DPYSL5: variants seen among roughly 807,000 people sequenced by gnomAD.
DPYSL5 encodes the protein dihydropyrimidinase-related protein 5.
DPYSL5 carries 9 observed loss-of-function variants against 58.4 expected under a neutral mutation model. The observed-to-expected ratio is 0.15, with a 90% CI of 0.09 to 0.27. DPYSL5 has a LOEUF of 0.27. Ranked by LOEUF, DPYSL5 falls within the 10% of genes least tolerant of loss-of-function variation. The pLI is 1.00. For synonymous variants in DPYSL5, 293 were observed against 301.9 expected (o/e 0.97, Z 0.31); for missense variants, 499 against 770.6 (o/e 0.65, Z 4.17).
At chr2:26,917,017 G>C (rs527717949) in intron 2 of DPYSL5, among the ~76,000 whole-genome samples, 1 of 152,212 alleles carries the variant, frequency 6.6e-6, no homozygotes, top group Non-Finnish European at 1.5e-5. Flanking sequence ...ACTGGGCTAG[G>C]TGCCTTATAT....
At chr2:26,932,179 GAAA>G (rs1665035213) in intron 6 of DPYSL5, among the ~76,000 whole-genome samples, 1 of 73,226 alleles carries the variant, frequency 1.4e-5, no homozygotes, top group Non-Finnish European at 2.9e-5. Context: ...AAGAAAGAAA[GAAA>G]GAAAGAAAGA....
chr2:26,935,646 G>A (rs1005643209), intron 8 of DPYSL5, among the ~76,000 whole-genome samples: 5 of 142,374 alleles, frequency 3.5e-5, no homozygotes, highest in African/African-American at 7.9e-5. Context: ...CTAGGATCAT[G>A]CCACTGCACT....
intron 1 of DPYSL5, among the ~76,000 whole-genome samples, chr2:26,860,548 G>A (rs1665984894): frequency 6.6e-6 from 1 of 152,186 alleles, no homozygotes; most frequent in South Asian, 2.1e-4. Context: ...TTTTCCTAAA[G>A]ATATACAAGC....
chr2:26,883,668 A>C (rs1423280649), intron 1 of DPYSL5, among the ~76,000 whole-genome samples: 2 of 152,068 alleles, frequency 1.3e-5, no homozygotes, highest in Non-Finnish European at 2.9e-5. Flanking sequence ...CAAAGTGCTG[A>C]GATTACAGGC....
chr2:26,910,092 A>G (rs1345837901), intron 2 of DPYSL5, among the ~76,000 whole-genome samples: 2 of 152,336 alleles, frequency 1.3e-5, no homozygotes, highest in East Asian at 1.9e-4. Context: ...TACTATTTCT[A>G]TATAAATGGA....
At chr2:26,908,129 C>G (rs1664346134) in intron 2 of DPYSL5, among the ~76,000 whole-genome samples, 1 of 152,162 alleles carries the variant, frequency 6.6e-6, no homozygotes, top group South Asian at 2.1e-4. Context: ...GCTTATTAAG[C>G]ATTATGTGAA....
rs1378305460 is a variant in DPYSL5 at position 26,898,162 on chromosome 2, G to A, written c.-4-334G>A. Among the ~76,000 whole-genome samples, 2 of 152,116 alleles carry A rather than the reference G, an allele frequency of 1.3e-5. No homozygotes were observed. The highest frequency in any genetic ancestry group is 2.4e-5 in the African/African-American group (1 of 41,400). ...CTGTAAAATGCCTTGGGTTGTTTTG[G>A]GGATAGTAGAGATATGAGAAATGAG... On this transcript the variant is annotated intron_variant, in intron 1 of 12. Coordinates refer to ENST00000288699, the MANE Select transcript of DPYSL5 (RefSeq NM_020134.4). The surrounding 1 kb of genome is among the most constrained non-coding windows in gnomAD (Gnocchi z 6.1).
Position 26,940,057 on chromosome 2 carries a change from A to G in DPYSL5, c.974A>G (p.Asp325Gly). The change falls in exon 9 of 13, where the codon GAT (aspartate) becomes GGT (glycine). Residue 325 changes from aspartate to glycine, a missense_variant. By Grantham distance (94) the Asp-to-Gly change is moderately conservative. This residue lies in a region of DPYSL5 where 404 missense variants were observed against 647.6 expected (regional missense o/e 0.62). Coordinates refer to ENST00000288699, the MANE Select transcript of DPYSL5 (RefSeq NM_020134.4). ...ANDTLNIVAS[D>G]HRPFTTKQKA... ...GACACTCTGAACATCGTGGCATCAG[A>G]TCACCGGCCTTTCACCACAAAGCAG... 1.9e-6 allele frequency: 3 copies of G among 1,614,144 alleles called. No individual in the cohort carries two copies. Among genetic ancestry groups the G allele is most frequent in the Non-Finnish European group, 2.5e-6 (3 of 1,180,034 alleles).
intron 2 of DPYSL5, among the ~76,000 whole-genome samples, chr2:26,909,869 T>TA (rs532390035): frequency 1.6e-4 from 24 of 148,278 alleles, no homozygotes; most frequent in African/African-American, 2.2e-4. Flanking sequence ...AAGCCACCTT[T>TA]AAAAAAAAAA....
At chr2:26,861,405 C>G (rs1666010121) in intron 1 of DPYSL5, among the ~76,000 whole-genome samples, 1 of 152,164 alleles carries the variant, frequency 6.6e-6, no homozygotes, top group Non-Finnish European at 1.5e-5. Context: ...TCTGCTCATC[C>G]CTTCATCCCT....
At chr2:26,931,137 TAAA>T (rs61652873) in intron 5 of DPYSL5, among the ~76,000 whole-genome samples, 87 of 49,542 alleles carry the variant, frequency 1.8e-3, no homozygotes, top group East Asian at 7.0e-3. Flanking sequence ...AGACCCTATC[TAAA>T]AAAAAAAAAA....
Position 26,927,766 on chromosome 2 carries a change from A to G in DPYSL5, c.600+334A>G, listed in dbSNP as rs2148160789. On this transcript the variant is annotated intron_variant, in intron 4 of 12. Transcript: ENST00000288699. The surrounding 1 kb of genome is among the most constrained non-coding windows in gnomAD (Gnocchi z 4.3). ...TTTTTAATGAGATTTGATATACAGA[A>G]TAAATAAGAATCCGCTTCCCATTTG... 6.6e-6 allele frequency among the ~76,000 whole-genome samples: 1 copy of G among 152,362 alleles called. No homozygotes were observed. The highest frequency in any genetic ancestry group is 1.9e-4 in the East Asian group (1 of 5,190).
intron 8 of DPYSL5, 77 bp from the exon 9 acceptor site, chr2:26,939,954 T>C: frequency 6.3e-7 from 1 of 1,576,866 alleles, no homozygotes; most frequent in South Asian, 1.2e-5. Context: ...CACGGAGGAT[T>C]TTCCCTATAT....
At chr2:26,857,642 A>G (rs985149601) in intron 1 of DPYSL5, among the ~76,000 whole-genome samples, 2 of 152,194 alleles carry the variant, frequency 1.3e-5, no homozygotes, top group Non-Finnish European at 2.9e-5. Flanking sequence ...AATAATGGCC[A>G]GAATTCTTAT....
intron 1 of DPYSL5, among the ~76,000 whole-genome samples, chr2:26,888,209 T>TTTCTTTC (rs1335062231): frequency 4.8e-5 from 5 of 105,040 alleles, no homozygotes; most frequent in Non-Finnish European, 3.9e-5. Context: ...CTTCCCTTTC[T>TTTCTTTC]TTTCTTTCTT....
intron 1 of DPYSL5, among the ~76,000 whole-genome samples, chr2:26,888,233 C>G (rs544950560): frequency 2.1e-5 from 3 of 140,438 alleles, no homozygotes; most frequent in Non-Finnish European, 3.1e-5. Flanking sequence ...TTCTTTCTTT[C>G]TTTCTTTCTT....
chr2:26,894,278 C>T (rs949779171), intron 1 of DPYSL5, among the ~76,000 whole-genome samples: 4 of 151,976 alleles, frequency 2.6e-5, no homozygotes, highest in Non-Finnish European at 5.9e-5. Flanking sequence ...GTGGCTCCCC[C>T]ACATCTTCAC....
Position 26,942,555 on chromosome 2 carries a change from C to G in DPYSL5, c.1245C>G (p.Ala415=). The G allele has an allele frequency of 6.2e-7, 1 of 1,614,044 alleles. No homozygotes were observed. Among genetic ancestry groups the G allele is most frequent in the Non-Finnish European group, 8.5e-7 (1 of 1,179,980 alleles). The part of the protein sequence containing the change: ...WDPEATKTIS[A]STQVQGGDFN... ...GCCTCCCCACCAGGACCATCTCAGC[C>G]AGCACGCAGGTCCAGGGAGGAGACT... is the stretch of plus-strand genomic sequence containing the variant. Residue 415 remains alanine, a synonymous_variant, in exon 11 of 13, where the codon GCC becomes GCG. Transcript: ENST00000288699. The surrounding 1 kb of genome is among the most constrained non-coding windows in gnomAD (Gnocchi z 5.9).
chr2:26,918,471 AT>A lies in DPYSL5; in HGVS notation c.262-6404del, dbSNP rs78358823. Among the ~76,000 whole-genome samples, 518 of 122,272 alleles carry A rather than the reference AT, an allele frequency of 4.2e-3. 3 individuals are homozygous for A. The highest frequency in any genetic ancestry group is 0.014 in the African/African-American group (464 of 33,290). 80.2% of individuals were successfully genotyped at this position (122,272 alleles called of 152,430 possible). ...CAATAGAGAAACTACCGAGCTGGTT[AT>A]TTTTTTTTTTTCCTCTGGTACTTCG... On this transcript the variant is annotated intron_variant, in intron 2 of 12. Coordinates refer to ENST00000288699, the MANE Select transcript of DPYSL5 (RefSeq NM_020134.4).
Sources: gnomAD v4.1 joint callset for allele counts (sites outside exome capture counted in the v4.1 genomes callset) on GRCh38, gnomAD v4.1.1 for gene constraint, gnomAD v4.1.1 regional missense constraint, Gnocchi (gnomAD v3.1) non-coding constraint, MANE v1.5 for transcripts, NCBI Gene and HGNC (gene_info 2026-07-23, HGNC 2026-07-21) for gene names.